The following SERPINE2 variants were observed in gnomAD, a reference collection of about 807,000 sequenced individuals.
SERPINE2 encodes glia-derived nexin.
Under a neutral mutation model 36.3 loss-of-function variants are expected in SERPINE2, and 14 were observed. The observed-to-expected ratio is 0.39, with a 90% confidence interval of 0.25 to 0.60. The LOEUF is 0.60. Ranked by LOEUF, SERPINE2 falls within the 20% of genes least tolerant of loss-of-function variation. The pLI, the probability that SERPINE2 is intolerant of heterozygous loss-of-function variation, is 0.57. For synonymous variants in SERPINE2, 192 were observed against 191.8 expected (o/e 1.00, Z -0.01); for missense variants, 418 against 499.6 (o/e 0.84, Z 1.56).
intron 2 of SERPINE2, among the ~76,000 whole-genome samples, chr2:223,999,108 G>A (rs1033576265): frequency 1.9e-4 from 28 of 151,150 alleles, no homozygotes; most frequent in Non-Finnish European, 3.7e-4. Context: ...TTCTATTTTG[G>A]AAAAAAAATG....
chr2:224,025,857 C>T (rs968904379), intron 1 of SERPINE2, among the ~76,000 whole-genome samples: 53 of 152,328 alleles, frequency 3.5e-4, no homozygotes, highest in South Asian at 1.0e-3. Flanking sequence ...TATTAGTGAT[C>T]GTGTTACTTT....
rs1465481255 is a variant in SERPINE2 at position 223,998,356 on chromosome 2, CAGA to C, written c.260-17_260-15del. The stretch of plus-strand genomic sequence containing the variant: ...TTTTACCAACTCCTAAAAGAGAAAT[CAGA>C]AGATACAGCAATACTTCCATAAGAA... On this transcript the variant is annotated splice_polypyrimidine_tract_variant and intron_variant, in intron 2 of 8. Coordinates refer to ENST00000409304, the MANE Select transcript of SERPINE2 (RefSeq NM_001136528.2). The C allele has an allele frequency of 6.4e-7, 1 of 1,570,172 alleles. No homozygotes were observed. Among genetic ancestry groups the C allele is most frequent in the South Asian group, 1.1e-5 (1 of 90,140 alleles).
chr2:223,986,905 G>A (rs1334850911), intron 4 of SERPINE2, among the ~76,000 whole-genome samples: 1 of 152,082 alleles, frequency 6.6e-6, no homozygotes, highest in Non-Finnish European at 1.5e-5. Flanking sequence ...GGTAGCCAGG[G>A]TGCATCAGAC....
chr2:223,988,247 G>A (rs1690517186), intron 4 of SERPINE2, among the ~76,000 whole-genome samples: 1 of 152,170 alleles, frequency 6.6e-6, no homozygotes, highest in Non-Finnish European at 1.5e-5. Flanking sequence ...AGGGCTCACT[G>A]CATCTCAACA....
In SERPINE2 at chr2:223,981,334, G is replaced by C. The variant is rs377600989; in HGVS notation, c.986-937C>G. 1.8e-4 allele frequency: 28 copies of C among 152,364 alleles called. No homozygotes were observed. The Middle Eastern group carries it at 0.01, about 56-fold the overall frequency. 9.4% of individuals were successfully genotyped at this position (152,364 alleles called of 1,614,324 possible). A position where few individuals can be genotyped will look rare whatever the true frequency, so the allele number is the denominator to read the frequency against. On this transcript the variant is annotated intron_variant, in intron 6 of 8. Transcript: ENST00000409304. Reference sequence around the variant, plus strand: ...TATTTCAGCTACCATGAACAACCTTGAAGGGAAAAGTGCAGATGAAAATGG... The same window carrying C: ...TATTTCAGCTACCATGAACAACCTTCAAGGGAAAAGTGCAGATGAAAATGG...
intron 1 of SERPINE2, among the ~76,000 whole-genome samples, chr2:224,006,603 A>G (rs180694855): frequency 6.6e-6 from 1 of 152,312 alleles, no homozygotes; most frequent in East Asian, 1.9e-4. Context: ...AGCTCACGGA[A>G]AGCAGGGACT....
chr2:224,003,587 T>A (rs1405515756), intron 1 of SERPINE2, among the ~76,000 whole-genome samples: 2 of 152,248 alleles, frequency 1.3e-5, no homozygotes, highest in East Asian at 3.8e-4. Context: ...CAGTGATTTG[T>A]TTTAAAGAAG....
intron 1 of SERPINE2, among the ~76,000 whole-genome samples, chr2:224,037,133 C>G (rs972874635): frequency 1.3e-5 from 2 of 152,200 alleles, no homozygotes; most frequent in Admixed American, 6.5e-5. Flanking sequence ...CTATTTACCA[C>G]CTATGAGTAT....
At chr2:223,989,570 T>G (rs925933148) in intron 4 of SERPINE2, among the ~76,000 whole-genome samples, 4 of 152,152 alleles carry the variant, frequency 2.6e-5, no homozygotes, top group Non-Finnish European at 5.9e-5. Context: ...AGACAATCCT[T>G]CCCTATCTTA....
intron 7 of SERPINE2, 82 bp downstream of exon 7, chr2:223,980,229 C>A: frequency 8.6e-7 from 1 of 1,156,278 alleles, no homozygotes. Flanking sequence ...GGGTGCATTA[C>A]ATATTTGCTC....
chr2:223,977,514 A>C (rs1267346350), intron 8 of SERPINE2, 30 bp downstream of exon 8: 1 of 1,383,778 alleles, frequency 7.2e-7, no homozygotes, highest in Non-Finnish European at 1.0e-6. Context: ...TCTAACAGAG[A>C]GGGCATGATG....
chr2:223,982,445 C>CA (rs1690257572), intron 6 of SERPINE2: 1 of 380,508 alleles, frequency 2.6e-6, no homozygotes, highest in Non-Finnish European at 4.8e-6. Context: ...TCCATGTAAC[C>CA]AAAAACCACT....
At chr2:223,999,146 A>C (rs1268536688) in intron 2 of SERPINE2, among the ~76,000 whole-genome samples, 1 of 152,224 alleles carries the variant, frequency 6.6e-6, no homozygotes, top group African/African-American at 2.4e-5. Context: ...AAAGACTATA[A>C]AAAATTACCA....
intron 1 of SERPINE2, among the ~76,000 whole-genome samples, chr2:224,020,589 T>G (rs2099601): frequency 0.94 from 143,768 of 152,188 alleles, 68,264 homozygotes; most frequent in Non-Finnish European, 0.99. Context: ...GATTTCCTAG[T>G]TTTACCTGCC....
rs557943182 is a variant in SERPINE2 at position 223,987,276 on chromosome 2, C to T, written c.686-2326G>A. Among the ~76,000 whole-genome samples, 84 of 152,286 alleles carry T rather than the reference C, an allele frequency of 5.5e-4. 1 individual carries two copies. The South Asian group carries it at 0.017, about 31-fold the overall frequency. On this transcript the variant is annotated intron_variant, in intron 4 of 8. Coordinates refer to ENST00000409304, the MANE Select transcript of SERPINE2 (RefSeq NM_001136528.2). ...TTGATGTAAGAAGCTTTGTAAAATACCTCACTTCTTGCAATGTGAGGTCCC... is the reference window on the plus strand; with the variant it reads ...TTGATGTAAGAAGCTTTGTAAAATATCTCACTTCTTGCAATGTGAGGTCCC...
chr2:223,994,263 A>T (rs1404889689), intron 3 of SERPINE2, among the ~76,000 whole-genome samples: 2 of 152,216 alleles, frequency 1.3e-5, no homozygotes, highest in East Asian at 1.9e-4. Flanking sequence ...TCCTAGCACT[A>T]CATGGAGCAT....
intron 5 of SERPINE2, among the ~76,000 whole-genome samples, chr2:223,983,579 C>T (rs1479383506): frequency 6.6e-6 from 1 of 151,848 alleles, no homozygotes; most frequent in Non-Finnish European, 1.5e-5. Context: ...AAGTATTTTA[C>T]TATTAAAACA....
At chr2:224,031,140 T>G (rs1692349954) in intron 1 of SERPINE2, 1 of 985,314 alleles carries the variant, frequency 1.0e-6, no homozygotes, top group Non-Finnish European at 1.2e-6. Flanking sequence ...TGAATATCCA[T>G]GGTATCAGCT....
At chr2:223,982,829 G>A (rs371216139) in intron 5 of SERPINE2, 48 bp from the exon 6 acceptor site, 2 of 1,350,114 alleles carry the variant, frequency 1.5e-6, no homozygotes, top group Non-Finnish European at 2.1e-6. Flanking sequence ...GGCTATAAAT[G>A]CTACATGATA....
Sources: allele counts gnomAD v4.1 joint callset (sites outside exome capture counted in the v4.1 genomes callset), GRCh38; gene constraint gnomAD v4.1.1; transcripts MANE v1.5; gene names NCBI Gene and HGNC (gene_info 2026-07-23, HGNC 2026-07-21).